TENM1: variants seen among roughly 807,000 people sequenced by gnomAD.
The protein encoded by TENM1 is teneurin transmembrane protein 1, also known as teneurin-1.
A neutral mutation model predicts 174.8 loss-of-function variants in TENM1; 35 were observed. The ratio of observed to expected loss-of-function variants is 0.20; its 90% CI spans 0.15 to 0.27. TENM1 has a LOEUF of 0.27. Among genes scored for constraint, TENM1 ranks in the 10% least tolerant of loss-of-function variants. The pLI is 1.00. For missense variants in TENM1, 1,633 were observed against 2,130.1 expected, an observed-to-expected ratio of 0.77 and a Z score of 4.59; for synonymous variants, 781 against 798.7, an observed-to-expected ratio of 0.98 and a Z score of 0.37.
chrX:124,737,458 C>T (rs1203601385), intron 3 of TENM1, among the ~76,000 whole-genome samples: 2 of 111,642 alleles, frequency 1.8e-5, no homozygotes, highest in Non-Finnish European at 3.8e-5. Flanking sequence ...TAAATGAGGC[C>T]GCCTCACACC....
the TENM1 span, among the ~76,000 whole-genome samples, chrX:125,047,256 T>C: frequency 9.0e-6 from 1 of 111,582 alleles, no homozygotes; most frequent in African/African-American, 3.3e-5. Context: ...ACAACATAAG[T>C]GTTTGAAGCT....
chrX:124,574,188 G>T (rs944929764), intron 11 of TENM1, among the ~76,000 whole-genome samples: 3 of 111,608 alleles, frequency 2.7e-5, no homozygotes, highest in Non-Finnish European at 3.8e-5. Context: ...TGTATAAATT[G>T]AACTCAGATA....
chrX:124,892,750 A>G, intron 3 of TENM1, among the ~76,000 whole-genome samples: 1 of 112,178 alleles, frequency 8.9e-6, no homozygotes, highest in Non-Finnish European at 1.9e-5. Flanking sequence ...TTCAGAAAGT[A>G]TATGAAGACA....
At chrX:125,084,454 T>C in the TENM1 span, among the ~76,000 whole-genome samples, 1 of 111,200 alleles carries the variant, frequency 9.0e-6, no homozygotes, top group African/African-American at 3.3e-5. Context: ...GTATTACCTA[T>C]TAATGTACCT....
intron 3 of TENM1, among the ~76,000 whole-genome samples, chrX:124,884,387 TG>T (rs1158110112): frequency 1.0e-5 from 1 of 97,425 alleles, no homozygotes; most frequent in Non-Finnish European, 2.1e-5. Flanking sequence ...TGGGGGTGGG[TG>T]GGGGGTGAGA....
chrX:124,695,876 T>C (rs921815936), intron 5 of TENM1, among the ~76,000 whole-genome samples: 3 of 111,399 alleles, frequency 2.7e-5, no homozygotes, highest in African/African-American at 9.8e-5. Flanking sequence ...TTGTTGCCTA[T>C]CAGCAAAAAG....
intron 2 of TENM1, among the ~76,000 whole-genome samples, chrX:124,895,493 T>C (rs1245014736): frequency 8.9e-6 from 1 of 112,136 alleles, no homozygotes; most frequent in East Asian, 2.8e-4. Flanking sequence ...TCTGGTTTTT[T>C]AAACCACTTC....
exon 16 of TENM1, chrX:124,529,908 C>T: frequency 5.8e-6 from 7 of 1,211,172 alleles, no homozygotes; most frequent in Non-Finnish European, 7.8e-6. Flanking sequence ...CACTGTGGTG[C>T]AAGAAACTGA....
chrX:125,193,058 A>C, the TENM1 span, among the ~76,000 whole-genome samples: 1 of 109,763 alleles, frequency 9.1e-6, no homozygotes, highest in Non-Finnish European at 1.9e-5. Flanking sequence ...CATTTATAAA[A>C]TTATTTCCTC....
chrX:124,429,143 C>T (rs906349216), intron 23 of TENM1, among the ~76,000 whole-genome samples: 1 of 111,864 alleles, frequency 8.9e-6, no homozygotes, highest in East Asian at 2.8e-4. Context: ...CCATCTGATT[C>T]GTCATTCCCA....
the TENM1 span, among the ~76,000 whole-genome samples, chrX:125,092,716 T>G: frequency 9.0e-5 from 10 of 111,725 alleles, no homozygotes; most frequent in Non-Finnish European, 1.9e-4. Flanking sequence ...GGAACAGAAT[T>G]AAGTAAGTGA....
chrX:124,689,796 T>C (rs1198111303), intron 5 of TENM1, among the ~76,000 whole-genome samples: 3 of 110,746 alleles, frequency 2.7e-5, no homozygotes, highest in Non-Finnish European at 3.8e-5. Context: ...TACGTGTACA[T>C]GCCTAGGATA....
At chrX:124,540,804 C>G (rs1035502800) in intron 15 of TENM1, among the ~76,000 whole-genome samples, 8 of 111,734 alleles carry the variant, frequency 7.2e-5, no homozygotes, top group African/African-American at 2.6e-4. Flanking sequence ...GGGCACTTCT[C>G]TTTGGTTTTC....
intron 3 of TENM1, among the ~76,000 whole-genome samples, chrX:124,841,645 G>A (rs2147363759): frequency 9.3e-6 from 1 of 107,994 alleles, no homozygotes; most frequent in African/African-American, 3.4e-5. Context: ...AAAAAGGAAT[G>A]GACTTGGAGA....
the TENM1 span, among the ~76,000 whole-genome samples, chrX:124,988,276 C>T: frequency 9.0e-6 from 1 of 111,588 alleles, no homozygotes; most frequent in Non-Finnish European, 1.9e-5. Context: ...TGCTAAAGAA[C>T]CTTTAAACAT....
chrX:124,641,612 A>T (rs1404041816), intron 11 of TENM1, among the ~76,000 whole-genome samples, 179 bp downstream of exon 14: 1 of 112,258 alleles, frequency 8.9e-6, no homozygotes, highest in Non-Finnish European at 1.9e-5. Flanking sequence ...CAAGATGAAA[A>T]AAATAGGTAA....
At chrX:124,672,216 C>T (rs1327822707) in intron 5 of TENM1, among the ~76,000 whole-genome samples, 2 of 111,445 alleles carry the variant, frequency 1.8e-5, no homozygotes, top group African/African-American at 6.5e-5. Flanking sequence ...GGACAGACTA[C>T]CATGAGAACA....
At chrX:124,611,627 A>C (rs1228451427) in intron 11 of TENM1, among the ~76,000 whole-genome samples, 2 of 111,582 alleles carry the variant, frequency 1.8e-5, no homozygotes, top group Non-Finnish European at 3.8e-5. Flanking sequence ...AGATAAGAAG[A>C]CCAATAATGT....
intron 3 of TENM1, among the ~76,000 whole-genome samples, chrX:124,813,531 A>G (rs1483358618): frequency 2.7e-5 from 3 of 112,052 alleles, no homozygotes; most frequent in Admixed American, 9.5e-5. Flanking sequence ...TAACAAATCA[A>G]TGAAGCCAAC....
Sources: allele counts gnomAD v4.1 joint callset (sites outside exome capture counted in the v4.1 genomes callset), GRCh38; gene constraint gnomAD v4.1.1; transcripts MANE v1.5; gene names NCBI Gene and HGNC (gene_info 2026-07-23, HGNC 2026-07-21).